KPTN: variants seen among roughly 807,000 people sequenced by gnomAD.
The protein encoded by KPTN is KICSTOR complex protein kaptin.
KPTN carries 36 observed loss-of-function variants against 52.6 expected under a neutral mutation model. That is an observed-to-expected ratio of 0.68 (90% CI 0.52 to 0.90). The LOEUF is 0.90. KPTN is among the 40% of genes least tolerant of loss of function. The pLI is 0.00. For synonymous variants in KPTN, 271 were observed against 248.4 expected (o/e 1.09, Z -0.85); for missense variants, 529 against 576.2 (o/e 0.92, Z 0.84).
At chr19:47,483,625 A>C in intron 1 of KPTN, 41 bp from the exon 2 acceptor site, 278 of 1,400,848 alleles carry the variant, frequency 2.0e-4, no homozygotes, top group Non-Finnish European at 2.5e-4. Flanking sequence ...AGGCAGACTC[A>C]TGCTTCCAAT....
At chr19:47,483,689 G>T in intron 1 of KPTN, 105 bp from the exon 2 acceptor site, 2 of 942,368 alleles carry the variant, frequency 2.1e-6, no homozygotes, top group Non-Finnish European at 1.6e-6. Flanking sequence ...TCTGGTCTGA[G>T]TCCTGACCAC....
intron 11 of KPTN, among the ~76,000 whole-genome samples, chr19:47,475,832 G>C (rs1008389690): frequency 6.6e-6 from 1 of 151,954 alleles, no homozygotes; most frequent in Non-Finnish European, 1.5e-5. Context: ...TTGGTGGCAG[G>C]TGCCTGTCAT....
At position 47,483,253 on chromosome 19, in the gene KPTN, T is replaced by C. The variant is rs549457638; in HGVS notation, c.395-38A>G. 5.0e-6 allele frequency: 8 copies of C among 1,613,484 alleles called. No homozygotes were observed. The African/African-American group carries it at 5.3e-5, about 11-fold the overall frequency. ...CACAGGCAGGTTAGCATGGGGGACC[T>C]GCTGGGGACTCTCTCCCTCCTCCCG... On this transcript the variant is annotated intron_variant, in intron 3 of 11. Transcript: ENST00000338134.
At chr19:47,480,487 C>T (rs1967839941) in intron 6 of KPTN, 80 bp from the exon 7 acceptor site, 1 of 1,049,156 alleles carries the variant, frequency 9.5e-7, no homozygotes, top group African/African-American at 1.6e-5. Flanking sequence ...GGGGCAGCCG[C>T]CCCTCCCTGT....
Position 47,484,184 on chromosome 19 carries a change from C to T in KPTN, c.-24G>A. 4.4e-6 allele frequency: 7 copies of T among 1,581,542 alleles called. No homozygotes were observed. The South Asian group carries it at 5.6e-5, about 13-fold the overall frequency. ...ATGCCCCTCAGTTAAGCACCCTCTC[C>T]GCAGCCCCCGCCCCAACCCGCACTA... On this transcript the variant is annotated 5_prime_UTR_variant, in exon 1 of 12. Coordinates refer to ENST00000338134, the MANE Select transcript of KPTN (RefSeq NM_007059.4).
intron 7 of KPTN, 76 bp from the exon 8 acceptor site, chr19:47,480,016 GC>G: frequency 9.3e-7 from 1 of 1,074,352 alleles, no homozygotes; most frequent in Non-Finnish European, 1.3e-6. Flanking sequence ...TCGACTTTCC[GC>G]CCCCACCGTT....
intron 11 of KPTN, among the ~76,000 whole-genome samples, 170 bp downstream of exon 11, chr19:47,476,362 C>A (rs577986123): frequency 3.0e-4 from 24 of 80,280 alleles, no homozygotes; most frequent in African/African-American, 9.8e-4. Context: ...CCGGTGCCCC[C>A]ACCCCAGCTG....
At chr19:47,478,814 G>T (rs995819528) in intron 8 of KPTN, among the ~76,000 whole-genome samples, 5 of 152,160 alleles carry the variant, frequency 3.3e-5, no homozygotes, top group African/African-American at 1.2e-4. Flanking sequence ...AAAAATGTAT[G>T]TTCTCACAGA....
intron 8 of KPTN, 97 bp downstream of exon 8, chr19:47,479,766 G>T (rs1228001909): frequency 5.2e-6 from 5 of 962,826 alleles, no homozygotes; most frequent in Non-Finnish European, 3.2e-6. Context: ...CACACTTTGG[G>T]AGAGGGGTGC....
chr19:47,480,039 T>G, intron 7 of KPTN, 99 bp from the exon 8 acceptor site: 3 of 367,328 alleles, frequency 8.2e-6, no homozygotes, highest in Non-Finnish European at 1.1e-5. Flanking sequence ...ATCCCCACCC[T>G]AGCCCCGCCC....
chr19:47,483,610 G>A (rs1307685402), intron 1 of KPTN, 26 bp from the exon 2 acceptor site: 7 of 1,483,900 alleles, frequency 4.7e-6, no homozygotes, highest in Non-Finnish European at 6.4e-6. Context: ...TCTAAGTTCA[G>A]TGTCAGGCAG....
intron 1 of KPTN, 117 bp downstream of exon 1, chr19:47,483,818 C>T: frequency 2.1e-6 from 3 of 1,435,096 alleles, no homozygotes; most frequent in Non-Finnish European, 2.8e-6. Flanking sequence ...CAGTGACCCC[C>T]TTAAAACCAC....
rs754760346 is a variant in KPTN, at chr19:47,477,760, T to G, written c.809A>C (p.Gln270Pro). The stretch of plus-strand genomic sequence containing the variant: ...GGCCACGAGCACGCTGTACTCATCT[T>G]GTAGTGGCCTGTCCTTGGTCTCTGG... ...AAKETKDRPL[Q>P]DEYSVLVASM... Residue 270 changes from glutamine to proline, a missense_variant, in exon 9 of 12, where the codon CAA becomes CCA. Gln to Pro is a moderately conservative substitution (Grantham distance 76, BLOSUM62 -1). Transcript: ENST00000338134. 20 of 1,613,648 alleles carry G rather than the reference T, an allele frequency of 1.2e-5. No homozygotes were observed. Among genetic ancestry groups the G allele is most frequent in the Non-Finnish European group, 1.6e-5 (19 of 1,179,626 alleles).
At chr19:47,482,492 A>G (rs985366784) in intron 4 of KPTN, among the ~76,000 whole-genome samples, 6 of 150,772 alleles carry the variant, frequency 4.0e-5, no homozygotes, top group East Asian at 3.9e-4. Context: ...AAAAAAAAAA[A>G]AAAGAAAGAA....
rs1460580219 is a variant in KPTN at position 47,483,554 on chromosome 19, A to C, written c.257T>G (p.Phe86Cys). The C allele has an allele frequency of 6.4e-7, 1 of 1,570,612 alleles. No homozygotes were observed. The highest frequency in any genetic ancestry group is 1.2e-5 in the South Asian group (1 of 86,514). Reference protein sequence around the residue: ...VDAEIVSIDTFNKSPPKRGLV... With the variant: ...VDAEIVSIDTCNKSPPKRGLV... ...ACCCCGCTTGGGGGGTGACTTGTTG[A>C]AAGTGTCGATGGAGACAATCTCCGC... Residue 86 changes from phenylalanine (F) to cysteine (C), a missense_variant, in exon 2 of 12, where the codon TTC (phenylalanine) becomes TGC (cysteine). Transcript: ENST00000338134.
intron 8 of KPTN, among the ~76,000 whole-genome samples, chr19:47,478,023 G>GT (rs1568454543): frequency 9.3e-5 from 14 of 151,258 alleles, no homozygotes; most frequent in African/African-American, 3.4e-4. Flanking sequence ...TCACACCACT[G>GT]CACTCCAGCC....
At chr19:47,482,698 C>T (rs942395513) in intron 4 of KPTN, among the ~76,000 whole-genome samples, 7 of 151,990 alleles carry the variant, frequency 4.6e-5, no homozygotes, top group Admixed American at 3.9e-4. Flanking sequence ...AGTTTAATTT[C>T]ATTTTATTTT....
In KPTN at chr19:47,475,643, C is replaced by T. The variant is rs186270155; in HGVS notation, c.1183-99G>A. On this transcript the variant is annotated intron_variant, in intron 11 of 11. Coordinates refer to ENST00000338134, the MANE Select transcript of KPTN (RefSeq NM_007059.4). ...GAAGCAACTCCAAAGGCCAGGAGCT[C>T]GGCCCACGTGGGAGGGCAGAGAGCA... 1.4e-4 allele frequency: 203 copies of T among 1,434,346 alleles called. No individual in the cohort carries two copies. In the East Asian group the frequency reaches 4.7e-3, roughly 33 times the overall value. 88.9% of individuals were successfully genotyped at this position (1,434,346 alleles called of 1,614,324 possible).
chr19:47,476,169 G>T (rs938685750), intron 11 of KPTN: 1 of 157,924 alleles, frequency 6.3e-6, no homozygotes, highest in Non-Finnish European at 1.3e-5. Flanking sequence ...TTAGCTGGGC[G>T]TGGTGGCGTG....
Sources: gnomAD v4.1 joint callset for allele counts (sites outside exome capture counted in the v4.1 genomes callset) on GRCh38, gnomAD v4.1.1 for gene constraint, MANE v1.5 for transcripts, NCBI Gene and HGNC (gene_info 2026-07-23, HGNC 2026-07-21) for gene names.